Variants in PCLO observed in about 807,000 individuals in gnomAD.
PCLO encodes the protein piccolo presynaptic cytomatrix protein, also known as protein piccolo.
A neutral mutation model predicts 427.5 loss-of-function variants in PCLO; 82 were observed. The ratio of observed to expected loss-of-function variants is 0.19; its 90% confidence interval spans 0.16 to 0.23. The LOEUF (loss-of-function observed/expected upper bound fraction) is 0.23. Ranked by LOEUF, PCLO falls within the 10% of genes least tolerant of loss-of-function variation. PCLO has a pLI of 1.00. For synonymous variants in PCLO, 2,357 were observed against 2,155.4 expected (o/e 1.09, Z -2.59); for missense variants, 6,239 against 6,115.9 (o/e 1.02, Z -0.67).
intron 22 of PCLO, among the ~76,000 whole-genome samples, chr7:82,768,593 T>C (rs1790582876): frequency 6.6e-6 from 1 of 152,120 alleles, no homozygotes; most frequent in Non-Finnish European, 1.5e-5. Flanking sequence ...TATAATCATT[T>C]TTTGATAAAC....
chr7:82,804,352 A>G (rs1185586754), intron 21 of PCLO, among the ~76,000 whole-genome samples: 2 of 152,204 alleles, frequency 1.3e-5, no homozygotes, highest in African/African-American at 4.8e-5. Context: ...ATTGAAAAAA[A>G]TGTAGTTCAA....
At chr7:82,827,073 T>C (rs1791962998) in intron 17 of PCLO, among the ~76,000 whole-genome samples, 1 of 152,098 alleles carries the variant, frequency 6.6e-6, no homozygotes, top group South Asian at 2.1e-4. Flanking sequence ...CATTGCCTTA[T>C]TTCTGCAGGT....
Position 83,106,010 on chromosome 7 carries a change from A to G in PCLO, c.3300+28240T>C, listed in dbSNP as rs1000321751. On this transcript the variant is annotated intron_variant, in intron 3 of 24. Coordinates refer to ENST00000333891, the MANE Select transcript of PCLO (RefSeq NM_033026.6). Reference sequence around the variant, plus strand: ...AGAAGTTAGAGAAACATTTCAAAACACAGAGAGGAAACAAGTAGACTAGGT... The same window carrying G: ...AGAAGTTAGAGAAACATTTCAAAACGCAGAGAGGAAACAAGTAGACTAGGT... Among the ~76,000 whole-genome samples the G allele has an allele frequency of 5.3e-5, 8 of 152,228 alleles. No homozygotes were observed. In the East Asian group the frequency reaches 1.5e-3, roughly 29 times the overall value.
At chr7:82,822,091 GTGCACT>G in intron 20 of PCLO, 1 of 998,872 alleles carries the variant, frequency 1.0e-6, no homozygotes, top group Non-Finnish European at 1.2e-6. Context: ...ACTTATATGT[GTGCACT>G]TTTTTTTTTT....
chr7:82,860,671 C>T (rs117324829), intron 10 of PCLO, among the ~76,000 whole-genome samples: 169 of 152,024 alleles, frequency 1.1e-3, no homozygotes, highest in African/African-American at 1.3e-3. Flanking sequence ...ATTATTATAA[C>T]GCTGTAACTG....
intron 9 of PCLO, among the ~76,000 whole-genome samples, chr7:82,882,568 T>G (rs1278779875): frequency 1.3e-5 from 2 of 152,166 alleles, no homozygotes; most frequent in Non-Finnish European, 2.9e-5. Flanking sequence ...GTTATGGTAA[T>G]TTCACAATAC....
intron 6 of PCLO, among the ~76,000 whole-genome samples, chr7:82,936,903 C>T (rs1794968318): frequency 6.6e-6 from 1 of 151,524 alleles, no homozygotes; most frequent in Admixed American, 6.6e-5. Context: ...TGACAAAAGG[C>T]CGAATACTGT....
chr7:82,951,417 C>G lies in PCLO; in HGVS notation c.9171G>C (p.Gly3057=). 1 of 1,597,164 alleles carries G rather than the reference C, an allele frequency of 6.3e-7. No homozygotes were observed. Among genetic ancestry groups the G allele is most frequent in the Middle Eastern group, 1.7e-4 (1 of 6,034 alleles). The stretch of plus-strand genomic sequence containing the variant: ...CTGTGGAATACTGTGGGGTACTAAT[C>G]CCAGCTCCTGAAATGACTTGTCGTG... ...PETRQVISGA[G]ISTPQYSTAR... Residue 3057 remains glycine (G), a synonymous_variant, in exon 6 of 25, where the codon GGG becomes GGC. Transcript: ENST00000333891.
intron 3 of PCLO, among the ~76,000 whole-genome samples, chr7:83,098,173 G>A (rs1584022400): frequency 1.3e-5 from 2 of 152,034 alleles, no homozygotes; most frequent in East Asian, 3.9e-4. Flanking sequence ...ACTTTGAAGT[G>A]CTTAAAGGAT....
chr7:83,041,674 G>A (rs1172730013), intron 3 of PCLO, among the ~76,000 whole-genome samples: 1 of 151,982 alleles, frequency 6.6e-6, no homozygotes, highest in Non-Finnish European at 1.5e-5. Flanking sequence ...CATAAAAGTG[G>A]GGCAGCCAAG....
In PCLO at chr7:82,884,238, A is replaced by ATG. The variant is rs532341385; in HGVS notation, c.13529-4777_13529-4776insCA. 5.9e-5 allele frequency among the ~76,000 whole-genome samples: 9 copies of ATG among 152,312 alleles called. No homozygotes were observed. In the South Asian group the frequency reaches 1.9e-3, roughly 32 times the overall value. On this transcript the variant is annotated intron_variant, in intron 9 of 24. Coordinates refer to ENST00000333891, the MANE Select transcript of PCLO (RefSeq NM_033026.6). ...AAAGAATGTACAAAAGCCTGTCCAT[A>ATG]TTCACAGTATATTGCATGAGATGAG...
chr7:82,923,843 A>G (rs1278919031), intron 6 of PCLO, among the ~76,000 whole-genome samples: 1 of 152,012 alleles, frequency 6.6e-6, no homozygotes, highest in South Asian at 2.1e-4. Context: ...TAATAAATAA[A>G]TCTTTCTCAT....
intron 3 of PCLO, among the ~76,000 whole-genome samples, chr7:83,126,349 T>C (rs1312887057): frequency 6.6e-6 from 1 of 152,130 alleles, no homozygotes; most frequent in Non-Finnish European, 1.5e-5. Flanking sequence ...TAATTAATTA[T>C]ATATTTCAAA....
intron 6 of PCLO, among the ~76,000 whole-genome samples, chr7:82,926,685 C>G (rs1048880447): frequency 6.6e-6 from 1 of 152,132 alleles, no homozygotes; most frequent in African/African-American, 2.4e-5. Context: ...AAGCAGAAAA[C>G]TAGTTTCTAC....
chr7:82,768,883 T>C (rs940371790), intron 22 of PCLO, among the ~76,000 whole-genome samples: 1 of 152,164 alleles, frequency 6.6e-6, no homozygotes, highest in Non-Finnish European at 1.5e-5. Flanking sequence ...AGCTATCTAA[T>C]TTGCATTTAT....
chr7:83,065,409 C>T (rs1272375358), intron 3 of PCLO, among the ~76,000 whole-genome samples: 1 of 149,156 alleles, frequency 6.7e-6, no homozygotes, highest in African/African-American at 2.5e-5. Flanking sequence ...TCTAAGTAAA[C>T]TAAACATACA....
chr7:83,101,929 T>C (rs1790748657), intron 3 of PCLO, among the ~76,000 whole-genome samples: 1 of 152,128 alleles, frequency 6.6e-6, no homozygotes, highest in Non-Finnish European at 1.5e-5. Flanking sequence ...ATGTCACTAC[T>C]TCATTTTGTG....
rs1158531398 is a variant in PCLO, at chr7:82,952,279, T to C, written c.8674A>G (p.Ile2892Val). 6.2e-7 allele frequency: 1 copy of C among 1,613,978 alleles called. No individual in the cohort carries two copies. The highest frequency in any genetic ancestry group is 2.2e-5 in the East Asian group (1 of 44,874). Residue 2892 changes from isoleucine to valine, a missense_variant, in exon 5 of 25, where the codon ATC becomes GTC. Ile to Val is a conservative substitution (Grantham distance 29). Transcript: ENST00000333891. ...AGATCCACTACTTCCCCATCAGTGATTCCCTGGGATACGGTGCTATCAGTC... is the reference window on the plus strand; with the variant it reads ...AGATCCACTACTTCCCCATCAGTGACTCCCTGGGATACGGTGCTATCAGTC... ...GWTDSTVSQG[I>V]TDGEVVDLST...
In PCLO at chr7:83,134,544, G is replaced by A. The variant is rs761157603; in HGVS notation, c.3006C>T (p.Ala1002=). 2 of 1,613,792 alleles carry A rather than the reference G, an allele frequency of 1.2e-6. No individual in the cohort carries two copies. Among genetic ancestry groups the A allele is most frequent in the Admixed American group, 3.3e-5 (2 of 59,996 alleles). The change falls in exon 3 of 25, where the codon GCC becomes GCT. Residue 1002 remains alanine (A), a synonymous_variant. Coordinates refer to ENST00000333891, the MANE Select transcript of PCLO (RefSeq NM_033026.6). ...KSIPVKKETK[A]PAAEKLEPKA... is the part of the protein sequence containing the mutation. ...TGGGCTCTAATTTTTCAGCTGCTGGGGCTTTTGTTTCCTTTTTCACAGGTA... is the reference window on the plus strand; with the variant it reads ...TGGGCTCTAATTTTTCAGCTGCTGGAGCTTTTGTTTCCTTTTTCACAGGTA...
Sources: allele counts gnomAD v4.1 joint callset (sites outside exome capture counted in the v4.1 genomes callset), GRCh38; gene constraint gnomAD v4.1.1; transcripts MANE v1.5; gene names NCBI Gene and HGNC (gene_info 2026-07-23, HGNC 2026-07-21).